Variants in PRMT8 observed in about 807,000 individuals in gnomAD.
PRMT8 encodes protein arginine N-methyltransferase 8.
Under a neutral mutation model 47.1 loss-of-function variants are expected in PRMT8, and 7 were observed. That is an observed-to-expected ratio of 0.15 (90% CI 0.08 to 0.28). The LOEUF (loss-of-function observed/expected upper bound fraction) is 0.28. Among genes scored for constraint, PRMT8 ranks in the 10% least tolerant of loss-of-function variants. The probability of loss-of-function intolerance (pLI) is 1.00; values close to 1 mark genes in which losing one functional copy is unlikely to be tolerated. For synonymous variants in PRMT8, 188 were observed against 186.5 expected, an observed-to-expected ratio of 1.01 and a Z score of -0.07; for missense variants, 237 against 505.4, an observed-to-expected ratio of 0.47 and a Z score of 5.09.
At chr12:3,389,504 T>C (rs1864172002) in intron 1 of PRMT8, among the ~76,000 whole-genome samples, 1 of 152,156 alleles carries the variant, frequency 6.6e-6, no homozygotes, top group African/African-American at 2.4e-5. Context: ...CATTCTTCAA[T>C]AGCATTTGTT....
intron 1 of PRMT8, among the ~76,000 whole-genome samples, chr12:3,443,626 C>G (rs1864827056): frequency 6.6e-6 from 1 of 152,174 alleles, no homozygotes; most frequent in Non-Finnish European, 1.5e-5. Flanking sequence ...TGTGCTCTCT[C>G]CCCCTTCAGA....
In PRMT8 at chr12:3,445,161, T is replaced by A. The variant is rs143354102; in HGVS notation, c.48+63719T>A. Among the ~76,000 whole-genome samples, 619 of 152,336 alleles carry A rather than the reference T, an allele frequency of 4.1e-3. 7 individuals carry two copies. Among genetic ancestry groups the A allele is most frequent in the African/African-American group, 0.014 (596 of 41,578 alleles). On this transcript the variant is annotated intron_variant, in intron 1 of 9. Transcript: ENST00000452611. ...TGTAAATAATGAATTCAGAGTTACA[T>A]CCACATTGCCTCATGGGTTCTCCTC...
intron 8 of PRMT8, among the ~76,000 whole-genome samples, chr12:3,591,578 G>A (rs533620564): frequency 5.3e-5 from 8 of 151,944 alleles, no homozygotes; most frequent in Admixed American, 1.3e-4. Flanking sequence ...TACCACACTC[G>A]CCTAGTTTTC....
At chr12:3,504,951 A>C (rs1364968534) in intron 1 of PRMT8, among the ~76,000 whole-genome samples, 1 of 90,684 alleles carries the variant, frequency 1.1e-5, no homozygotes, top group African/African-American at 4.4e-5. Flanking sequence ...TTCGGGTGGG[A>C]GTGACCCGAT....
chr12:3,458,380 C>A (rs1162793860), intron 1 of PRMT8, among the ~76,000 whole-genome samples: 1 of 152,220 alleles, frequency 6.6e-6, no homozygotes, highest in East Asian at 1.9e-4. Flanking sequence ...AGCTGTGCAG[C>A]AGGTCCATGG....
intron 1 of PRMT8, among the ~76,000 whole-genome samples, chr12:3,533,126 G>T (rs1300465585): frequency 1.3e-5 from 2 of 152,186 alleles, no homozygotes; most frequent in African/African-American, 4.8e-5. Flanking sequence ...AAAACAGGGG[G>T]TTCCAAATGG....
At chr12:3,551,194 C>T (rs930020754) in intron 3 of PRMT8, 1 of 152,248 alleles carries the variant, frequency 6.6e-6, no homozygotes, top group Non-Finnish European at 1.5e-5. Context: ...CTCCTCCAAG[C>T]CTGACTTGGA....
intron 1 of PRMT8, among the ~76,000 whole-genome samples, chr12:3,441,941 A>G (rs1864807817): frequency 6.6e-6 from 1 of 152,238 alleles, no homozygotes; most frequent in Non-Finnish European, 1.5e-5. Context: ...GCAACTGTGG[A>G]AATCACAAAC....
intron 4 of PRMT8, among the ~76,000 whole-genome samples, chr12:3,559,075 A>G (rs1866585595): frequency 6.6e-6 from 1 of 152,110 alleles, no homozygotes; most frequent in African/African-American, 2.4e-5. Context: ...CCAGACAGCC[A>G]GCGTTCATCC....
intron 1 of PRMT8, among the ~76,000 whole-genome samples, chr12:3,407,378 CT>C (rs1362106103): frequency 1.3e-5 from 2 of 149,344 alleles, no homozygotes; most frequent in East Asian, 3.9e-4. Flanking sequence ...TTTTTTTTTT[CT>C]TTTAGCACTG....
intron 1 of PRMT8, among the ~76,000 whole-genome samples, chr12:3,411,124 G>C (rs1215401884): frequency 6.6e-6 from 1 of 152,188 alleles, no homozygotes; most frequent in Non-Finnish European, 1.5e-5. Context: ...TGGGGTCCCA[G>C]CTGAATGCCT....
chr12:3,447,205 A>G (rs144836752), intron 1 of PRMT8, among the ~76,000 whole-genome samples: 41 of 152,292 alleles, frequency 2.7e-4, no homozygotes, highest in African/African-American at 9.4e-4. Flanking sequence ...GCAGAGTCTC[A>G]TTTTGCTTTC....
chr12:3,512,636 T>A (rs1759140131), intron 1 of PRMT8, among the ~76,000 whole-genome samples: 1 of 152,176 alleles, frequency 6.6e-6, no homozygotes, highest in Admixed American at 6.5e-5. Context: ...TTAACACTGT[T>A]TACGTCCATC....
intron 1 of PRMT8, among the ~76,000 whole-genome samples, chr12:3,449,902 G>A (rs990331426): frequency 3.9e-5 from 6 of 152,258 alleles, no homozygotes; most frequent in African/African-American, 1.4e-4. Flanking sequence ...GTTAATTGTT[G>A]TATAAGGTGT....
At chr12:3,465,285 TATA>T (rs1865086943) in intron 1 of PRMT8, among the ~76,000 whole-genome samples, 1 of 113,236 alleles carries the variant, frequency 8.8e-6, no homozygotes, top group Non-Finnish European at 2.0e-5. Flanking sequence ...ATAAAAAATA[TATA>T]ATATATAATA....
chr12:3,406,924 C>T (rs1231004701), intron 1 of PRMT8, among the ~76,000 whole-genome samples: 1 of 152,160 alleles, frequency 6.6e-6, no homozygotes, highest in African/African-American at 2.4e-5. Flanking sequence ...TATAGCTGTG[C>T]CCCATTCTTG....
chr12:3,586,205 G>A, intron 8 of PRMT8, among the ~76,000 whole-genome samples: 1 of 152,112 alleles, frequency 6.6e-6, no homozygotes, highest in East Asian at 1.9e-4. Flanking sequence ...GGGGTGTTAG[G>A]GATGACATTC....
At chr12:3,568,950 T>C in intron 5 of PRMT8, 102 bp downstream of exon 5, 2 of 1,494,290 alleles carry the variant, frequency 1.3e-6, no homozygotes, top group Non-Finnish European at 1.8e-6. Context: ...CAGAGAAGAC[T>C]GAGGCCAGGA....
Position 3,409,317 on chromosome 12 carries a change from C to T in PRMT8, c.48+27875C>T, listed in dbSNP as rs1229834972. On this transcript the variant is annotated intron_variant, in intron 1 of 9. Coordinates refer to the PRMT8 transcript ENST00000452611. This position sits in a 1 kb window ranked among gnomAD's most constrained non-coding sequence, Gnocchi z 4.4. ...GCTGTGGAGTTTCGGGTCCAGTGAG[C>T]AGAACACAGCTGTAATTCAGGAGCT... is the stretch of plus-strand genomic sequence containing the variant. Among the ~76,000 whole-genome samples, 1 of 152,136 alleles carries T rather than the reference C, an allele frequency of 6.6e-6. No homozygotes were observed. Among genetic ancestry groups the T allele is most frequent in the Non-Finnish European group, 1.5e-5 (1 of 68,022 alleles).
Sources: allele counts gnomAD v4.1 joint callset (sites outside exome capture counted in the v4.1 genomes callset), GRCh38; gene constraint gnomAD v4.1.1; non-coding constraint Gnocchi (gnomAD v3.1); transcripts MANE v1.5; gene names NCBI Gene and HGNC (gene_info 2026-07-23, HGNC 2026-07-21).